Variants in LRPPRC observed in about 807,000 individuals in gnomAD.
The protein encoded by LRPPRC is leucine rich pentatricopeptide repeat containing.
LRPPRC carries 120 observed loss-of-function variants against 180.3 expected under a neutral mutation model. That is an observed-to-expected ratio of 0.67 (90% confidence interval 0.57 to 0.77). The LOEUF is 0.77. Among genes scored for constraint, LRPPRC ranks in the 30% least tolerant of loss-of-function variants. LRPPRC has a pLI of 0.00. For missense variants in LRPPRC, 2,012 were observed against 1,657.2 expected, an observed-to-expected ratio of 1.21 and a Z score of -3.72; for synonymous variants, 723 against 600.0, an observed-to-expected ratio of 1.21 and a Z score of -3.00.
At position 43,948,121 on chromosome 2, in the gene LRPPRC, C is replaced by A. The variant is rs863224055; in HGVS notation, c.1920+1G>T. 1 of 1,569,500 alleles carries A rather than the reference C, an allele frequency of 6.4e-7. No homozygotes were observed. Among genetic ancestry groups the A allele is most frequent in the Non-Finnish European group, 8.8e-7 (1 of 1,140,046 alleles). On this transcript the variant is annotated splice_donor_variant, in intron 18 of 37. Transcript: ENST00000260665. LOFTEE classifies it high-confidence loss of function. ...CCAGTTGATTGCTATTTCACACACACCTTAATCAATTCAGGAACATGGTAG... is the reference window on the plus strand; with the variant it reads ...CCAGTTGATTGCTATTTCACACACAACTTAATCAATTCAGGAACATGGTAG...
intron 32 of LRPPRC, among the ~76,000 whole-genome samples, chr2:43,900,356 G>T (rs1670841115): frequency 6.6e-6 from 1 of 151,652 alleles, no homozygotes; most frequent in South Asian, 2.1e-4. Flanking sequence ...TCAATATTGT[G>T]TTGAAATTAT....
At chr2:43,928,347 A>G (rs1252951591) in intron 25 of LRPPRC, among the ~76,000 whole-genome samples, 1 of 152,216 alleles carries the variant, frequency 6.6e-6, no homozygotes, top group Non-Finnish European at 1.5e-5. Flanking sequence ...GATATCCAAT[A>G]ATTATTACCT....
At chr2:43,975,061 A>G (rs746085333) in intron 7 of LRPPRC, 30 bp downstream of exon 7, 20 of 1,606,498 alleles carry the variant, frequency 1.2e-5, no homozygotes, top group Non-Finnish European at 1.7e-5. Flanking sequence ...AAATGATTTT[A>G]AAGTATGTTT....
At chr2:43,961,289 G>A (rs1344037998) in intron 12 of LRPPRC, among the ~76,000 whole-genome samples, 1 of 152,170 alleles carries the variant, frequency 6.6e-6, no homozygotes, top group Non-Finnish European at 1.5e-5. Context: ...CAGGTCTCTA[G>A]TAAGCCAGAA....
intron 30 of LRPPRC, among the ~76,000 whole-genome samples, chr2:43,911,520 C>CTTTTTTTT (rs755010502): frequency 2.1e-4 from 24 of 113,466 alleles, no homozygotes; most frequent in South Asian, 6.5e-4. Context: ...TCTTCTTCTT[C>CTTTTTTTT]TTCTTTTTTT....
intron 30 of LRPPRC, among the ~76,000 whole-genome samples, chr2:43,907,872 GAGA>G (rs902213910): frequency 3.9e-5 from 6 of 152,114 alleles, no homozygotes; most frequent in Admixed American, 6.5e-5. Flanking sequence ...TCAAATTTAG[GAGA>G]AGTTTTGTTG....
chr2:43,940,090 C>T (rs907794611), intron 23 of LRPPRC, among the ~76,000 whole-genome samples: 5 of 152,158 alleles, frequency 3.3e-5, no homozygotes, highest in South Asian at 2.1e-4. Flanking sequence ...AACTTAATTA[C>T]GACCCAATGA....
intron 36 of LRPPRC, chr2:43,890,370 A>G (rs1423592294): frequency 8.5e-6 from 4 of 469,872 alleles, no homozygotes; most frequent in African/African-American, 4.0e-5. Context: ...TTTCTATTGT[A>G]AAATAAACAA....
At chr2:43,992,046 A>G (rs1286241574) in intron 1 of LRPPRC, among the ~76,000 whole-genome samples, 1 of 152,256 alleles carries the variant, frequency 6.6e-6, no homozygotes, top group Non-Finnish European at 1.5e-5. Flanking sequence ...TCTGCCTTCA[A>G]GCAACTTACA....
At position 43,896,675 on chromosome 2, in the gene LRPPRC, A is replaced by T; in HGVS notation, c.3859T>A (p.Leu1287Met). 1 of 1,612,800 alleles carries T rather than the reference A, an allele frequency of 6.2e-7. No homozygotes were observed. Among genetic ancestry groups the T allele is most frequent in the Non-Finnish European group, 8.5e-7 (1 of 1,178,884 alleles). The change falls in exon 35 of 38, where the codon TTG (leucine) becomes ATG (methionine). Residue 1287 changes from leucine to methionine, a missense_variant. Leu to Met is a conservative substitution (Grantham distance 15, BLOSUM62 2). Coordinates refer to ENST00000260665, the MANE Select transcript of LRPPRC (RefSeq NM_133259.4). ...GAATTCCTAAGGAGGAACAACAACA[A>T]AATCGGGGTTTGTTCAGCAATTGCA... The part of the protein sequence containing the change: ...CGAIAEQTPI[L>M]LLFLLRNSRK...
rs759044409 is a variant in LRPPRC, at chr2:43,973,723, G to A, written c.1262-9C>T. 15 of 1,608,144 alleles carry A rather than the reference G, an allele frequency of 9.3e-6. No individual in the cohort carries two copies. The highest frequency in any genetic ancestry group is 5.0e-5 in the Admixed American group (3 of 60,022). On this transcript the variant is annotated splice_polypyrimidine_tract_variant and intron_variant, in intron 10 of 37. Transcript: ENST00000260665. ...TAAGGCTTTTGCCAAATCTGAAAGAGATATCATAAAAGATCACAAAGCTAC... is the reference window on the plus strand; with the variant it reads ...TAAGGCTTTTGCCAAATCTGAAAGAAATATCATAAAAGATCACAAAGCTAC...
chr2:43,910,516 T>G (rs1011291280), intron 30 of LRPPRC, among the ~76,000 whole-genome samples: 2 of 152,246 alleles, frequency 1.3e-5, no homozygotes, highest in African/African-American at 4.8e-5. Context: ...ATTACAGGCA[T>G]GAGCCAACGT....
At chr2:43,908,408 G>A (rs1671135643) in intron 30 of LRPPRC, among the ~76,000 whole-genome samples, 1 of 152,122 alleles carries the variant, frequency 6.6e-6, no homozygotes, top group Admixed American at 6.5e-5. Flanking sequence ...TGGCTTATTG[G>A]GAAGGTTAAA....
intron 34 of LRPPRC, among the ~76,000 whole-genome samples, chr2:43,898,894 T>C (rs1037670256): frequency 2.6e-5 from 4 of 152,194 alleles, no homozygotes; most frequent in African/African-American, 9.7e-5. Context: ...ATTGTTGTTT[T>C]GCATTATCTA....
At position 43,962,269 on chromosome 2, in the gene LRPPRC, A is replaced by T. The variant is rs188238029; in HGVS notation, c.1488+1319T>A. Among the ~76,000 whole-genome samples the T allele has an allele frequency of 6.5e-3, 991 of 152,242 alleles. 7 individuals are homozygous for T. The highest frequency in any genetic ancestry group is 0.011 in the Non-Finnish European group (716 of 68,000). On this transcript the variant is annotated intron_variant, in intron 12 of 37. Coordinates refer to ENST00000260665, the MANE Select transcript of LRPPRC (RefSeq NM_133259.4). ...AATATGTGGGAAAGTTACTTAAAAAATTTTTTTTAACAGTAAAATATGTAT... is the reference window on the plus strand; with the variant it reads ...AATATGTGGGAAAGTTACTTAAAAATTTTTTTTTAACAGTAAAATATGTAT...
rs773333611 is a variant in LRPPRC at position 43,912,513 on chromosome 2, A to T, written c.3194T>A (p.Phe1065Tyr). The T allele has an allele frequency of 1.9e-6, 3 of 1,605,056 alleles. No homozygotes were observed. In the South Asian group the frequency reaches 3.3e-5, roughly 18 times the overall value. ...FLNAKEQNIVFNAETYSNLIK... is the reference protein window; with the variant it reads ...FLNAKEQNIVYNAETYSNLIK... ...GAGATTGCTGTAGGTTTCAGCATTA[A>T]ACACAATGTTTTGCTCTTTTGCATT... The change falls in exon 30 of 38, where the codon TTT (phenylalanine) becomes TAT (tyrosine). Residue 1065 changes from phenylalanine to tyrosine, a missense_variant. Physicochemically the swap from Phe to Tyr is conservative, Grantham distance 22. Transcript: ENST00000260665.
rs760063530 is a variant in LRPPRC at position 43,918,095 on chromosome 2, C to T, written c.3078G>A (p.Ser1026=). 7.9e-5 allele frequency: 127 copies of T among 1,612,856 alleles called. No homozygotes were observed. Among genetic ancestry groups the T allele is most frequent in the Non-Finnish European group, 9.5e-5 (112 of 1,179,642 alleles). The part of the protein sequence containing the change: ...YEDEKHSLNS[S]SASTTEPDFQ... ...AATCAGGTTCTGTGGTTGAGGCTGA[C>T]GAAGAATTCAGGGAATGTTTTTCAT... is the stretch of plus-strand genomic sequence containing the variant. The change falls in exon 29 of 38, where the codon TCG becomes TCA. Residue 1026 remains serine, a synonymous_variant. Transcript: ENST00000260665.
In LRPPRC at chr2:43,995,806, C is replaced by A. The variant is rs1240310136; in HGVS notation, c.142G>T (p.Val48Leu). 4 of 1,388,838 alleles carry A rather than the reference C, an allele frequency of 2.9e-6. No homozygotes were observed. The South Asian group carries it at 6.6e-5, about 23-fold the overall frequency. The allele number at this position is 1,388,838 out of a possible 1,614,324, so 86.0% of individuals were successfully genotyped here. ...SYLPAARAGP[V>L]AGGLLSPARL... The stretch of plus-strand genomic sequence containing the variant: ...AAGGGCCTGGGCACTCACCCGGCCA[C>A]GGGCCCGGCGCGAGCGGCGGGCAGA... The change falls in exon 1 of 38, where the codon GTG (valine) becomes TTG (leucine). Residue 48 changes from valine to leucine, a missense_variant. Transcript: ENST00000260665.
upstream of LRPPRC, among the ~76,000 whole-genome samples, chr2:43,996,234 C>A (rs777540586): frequency 6.6e-6 from 1 of 152,226 alleles, no homozygotes; most frequent in Admixed American, 6.5e-5. Flanking sequence ...CCCCTGCACT[C>A]CTCTGTTGGT....
Sources: gnomAD v4.1 joint callset for allele counts (sites outside exome capture counted in the v4.1 genomes callset) on GRCh38, gnomAD v4.1.1 for gene constraint, MANE v1.5 for transcripts, NCBI Gene and HGNC (gene_info 2026-07-23, HGNC 2026-07-21) for gene names.